Variants in NOS1AP observed in about 807,000 individuals in gnomAD.
The protein encoded by NOS1AP is nitric oxide synthase 1 adaptor protein, also known as carboxyl-terminal PDZ ligand of neuronal nitric oxide synthase protein.
In NOS1AP, 21 loss-of-function variants were observed where a neutral mutation model predicts 56.2. The ratio of observed to expected loss-of-function variants is 0.37; its 90% CI spans 0.26 to 0.54. The LOEUF (loss-of-function observed/expected upper bound fraction) is 0.54. NOS1AP is among the 20% of genes least tolerant of loss of function. The pLI is 0.84. For missense variants in NOS1AP, 522 were observed against 657.8 expected (o/e 0.79, Z 2.26); for synonymous variants, 270 against 274.6 (o/e 0.98, Z 0.17).
intron 2 of NOS1AP, among the ~76,000 whole-genome samples, chr1:162,186,789 T>C (rs1474048569): frequency 6.6e-6 from 1 of 152,220 alleles, no homozygotes; most frequent in Non-Finnish European, 1.5e-5. Context: ...ACTTGAGAAG[T>C]AAATGTTTGT....
Position 162,333,201 on chromosome 1 carries a change from CT to C in NOS1AP, c.453+77del, listed in dbSNP as rs1447751689. Reference sequence around the variant, plus strand: ...GCACCCCCAACATTGGCCCGTCTCCCTGTTGAAGACAGCTGTGGTAATGCCG... The same window carrying C: ...GCACCCCCAACATTGGCCCGTCTCCCGTTGAAGACAGCTGTGGTAATGCCG... On this transcript the variant is annotated intron_variant, in intron 5 of 9. Coordinates refer to ENST00000361897, the MANE Select transcript of NOS1AP (RefSeq NM_014697.3). The C allele has an allele frequency of 3.6e-5, 34 of 952,292 alleles. No homozygotes were observed. In the African/African-American group the frequency reaches 5.5e-4, roughly 15 times the overall value. 59.0% of individuals were successfully genotyped at this position (952,292 alleles called of 1,614,324 possible).
chr1:162,321,490 G>A (rs977983178), intron 4 of NOS1AP, among the ~76,000 whole-genome samples: 1 of 152,014 alleles, frequency 6.6e-6, no homozygotes, highest in Non-Finnish European at 1.5e-5. Context: ...AACACCACAT[G>A]TTCTCACTCA....
chr1:162,126,201 G>A lies in NOS1AP; in HGVS notation c.106-28204G>A, dbSNP rs748582363. On this transcript the variant is annotated intron_variant, in intron 1 of 9. Coordinates refer to ENST00000361897, the MANE Select transcript of NOS1AP (RefSeq NM_014697.3). ...TGGAGGAGGCTTGAGGCTTTTCTAG[G>A]TATAAGATCATATCATTGGCAAACA... 6.9e-4 allele frequency among the ~76,000 whole-genome samples: 105 copies of A among 152,184 alleles called. 1 individual carries two copies. Among genetic ancestry groups the A allele is most frequent in the African/African-American group, 2.2e-3 (90 of 41,536 alleles).
intron 1 of NOS1AP, among the ~76,000 whole-genome samples, chr1:162,095,509 A>G (rs577378911): frequency 6.6e-6 from 1 of 152,238 alleles, no homozygotes. Context: ...GGGTGTGTGT[A>G]TACTCTGTGG....
intron 1 of NOS1AP, among the ~76,000 whole-genome samples, chr1:162,149,962 A>G (rs1221784419): frequency 6.6e-6 from 1 of 152,200 alleles, no homozygotes; most frequent in African/African-American, 2.4e-5. Flanking sequence ...TTAAGCATAT[A>G]TCCTTTCTTT....
chr1:162,236,355 T>G (rs1487903065), intron 2 of NOS1AP, among the ~76,000 whole-genome samples: 2 of 152,254 alleles, frequency 1.3e-5, no homozygotes, highest in East Asian at 3.8e-4. Flanking sequence ...TTAGATGCTT[T>G]ACAGATACGA....
intron 2 of NOS1AP, among the ~76,000 whole-genome samples, chr1:162,252,489 A>G (rs113695092): frequency 0.039 from 5,906 of 152,298 alleles, 254 homozygotes; most frequent in African/African-American, 0.11. Context: ...AGTATGAAGC[A>G]TGCAGTAGAA....
chr1:162,256,579 G>C lies in NOS1AP; in HGVS notation c.178-30765G>C, dbSNP rs12078832. On this transcript the variant is annotated intron_variant, in intron 2 of 9. Coordinates refer to ENST00000361897, the MANE Select transcript of NOS1AP (RefSeq NM_014697.3). ...CACATTTGCTTCACCTTTCTCAACT[G>C]CACTGTTTTCCTTCCTTGTCTCTTA... 5.6e-3 allele frequency among the ~76,000 whole-genome samples: 857 copies of C among 152,230 alleles called. 9 individuals carry two copies. The highest frequency in any genetic ancestry group is 0.019 in the African/African-American group (809 of 41,534).
At chr1:162,093,903 T>C (rs1282466854) in intron 1 of NOS1AP, among the ~76,000 whole-genome samples, 2 of 152,214 alleles carry the variant, frequency 1.3e-5, no homozygotes, top group Non-Finnish European at 2.9e-5. Flanking sequence ...AGTTAGTCAA[T>C]GTGAACAGGG....
chr1:162,308,827 T>C (rs1655929990), intron 4 of NOS1AP, among the ~76,000 whole-genome samples: 1 of 152,214 alleles, frequency 6.6e-6, no homozygotes, highest in African/African-American at 2.4e-5. Context: ...GAACTTGACA[T>C]GTGTTACTTC....
At chr1:162,117,088 G>T (rs1445914771) in intron 1 of NOS1AP, among the ~76,000 whole-genome samples, 4 of 152,184 alleles carry the variant, frequency 2.6e-5, no homozygotes, top group Non-Finnish European at 5.9e-5. Context: ...AGTAAGAATG[G>T]AGTTAAAAGT....
intron 1 of NOS1AP, among the ~76,000 whole-genome samples, chr1:162,075,450 G>A (rs1228588790): frequency 1.3e-5 from 2 of 152,202 alleles, no homozygotes; most frequent in East Asian, 3.8e-4. Context: ...GGATATCTGT[G>A]GATGCCTCTT....
At chr1:162,291,311 T>C (rs1655275294) in intron 3 of NOS1AP, among the ~76,000 whole-genome samples, 1 of 152,242 alleles carries the variant, frequency 6.6e-6, no homozygotes, top group African/African-American at 2.4e-5. Context: ...ACACATGTAG[T>C]ATGTTTTCAG....
At chr1:162,072,370 A>C (rs77107932) in intron 1 of NOS1AP, among the ~76,000 whole-genome samples, 2,385 of 152,242 alleles carry the variant, frequency 0.016, 37 homozygotes, top group Non-Finnish European at 0.022. Context: ...AATTTGCTGG[A>C]TCTTACTCTC....
chr1:162,100,253 T>G (rs1442699542), intron 1 of NOS1AP, among the ~76,000 whole-genome samples: 1 of 151,336 alleles, frequency 6.6e-6, no homozygotes, highest in Non-Finnish European at 1.5e-5. Context: ...CCACCAACAG[T>G]GTAAAAGTGT....
At chr1:162,138,084 G>T (rs1649081170) in intron 1 of NOS1AP, among the ~76,000 whole-genome samples, 1 of 152,144 alleles carries the variant, frequency 6.6e-6, no homozygotes, top group South Asian at 2.1e-4. Flanking sequence ...CTGTTGATTT[G>T]GTAAATAACT....
In NOS1AP at chr1:162,294,752, C is replaced by T. The variant is rs144540775; in HGVS notation, c.271-5881C>T. On this transcript the variant is annotated intron_variant, in intron 3 of 9. Transcript: ENST00000361897. ...CAGTGCCATAGGTGTCCTTAGCAGA[C>T]GCGGAGGGCACAGGAGTAAGAGAAA... 3.9e-5 allele frequency among the ~76,000 whole-genome samples: 6 copies of T among 152,254 alleles called. No homozygotes were observed. In the East Asian group the frequency reaches 5.8e-4, roughly 15 times the overall value.
At chr1:162,322,086 C>CAA (rs139967472) in intron 4 of NOS1AP, among the ~76,000 whole-genome samples, 93 of 152,120 alleles carry the variant, frequency 6.1e-4, no homozygotes, top group African/African-American at 2.0e-3. Context: ...AAAAAACACA[C>CAA]AAAAAAGAAA....
intron 1 of NOS1AP, among the ~76,000 whole-genome samples, chr1:162,116,004 G>C (rs1475945372): frequency 6.6e-6 from 1 of 152,200 alleles, no homozygotes; most frequent in Non-Finnish European, 1.5e-5. Flanking sequence ...TTGGCGATTA[G>C]AGGATTCAAA....
Sources: gnomAD v4.1 joint callset for allele counts (sites outside exome capture counted in the v4.1 genomes callset) on GRCh38, gnomAD v4.1.1 for gene constraint, MANE v1.5 for transcripts, NCBI Gene and HGNC (gene_info 2026-07-23, HGNC 2026-07-21) for gene names.